EIF2B3: variants seen among roughly 807,000 people sequenced by gnomAD.
The protein encoded by EIF2B3 is translation initiation factor eIF2B subunit gamma.
In EIF2B3, 20 loss-of-function variants were observed where a neutral mutation model predicts 54.1. The ratio of observed to expected loss-of-function variants is 0.37; its 90% CI spans 0.26 to 0.54. The LOEUF (loss-of-function observed/expected upper bound fraction) is 0.54. Ranked by LOEUF, EIF2B3 falls within the 20% of genes least tolerant of loss-of-function variation. The probability of loss-of-function intolerance (pLI) is 0.86; values close to 1 mark genes in which losing one functional copy is unlikely to be tolerated. For synonymous variants in EIF2B3, 153 were observed against 188.1 expected, an observed-to-expected ratio of 0.81 and a Z score of 1.52; for missense variants, 448 against 547.8, an observed-to-expected ratio of 0.82 and a Z score of 1.82.
Position 44,936,355 on chromosome 1 carries a change from G to A in EIF2B3, c.454+5151C>T, listed in dbSNP as rs571483789. ...AGCACTTTGGGAGGCCAAGGCGGGT[G>A]GATCACTTGAGGTCAGGAGTTCAAA... On this transcript the variant is annotated intron_variant, in intron 4 of 11. Coordinates refer to ENST00000360403, the MANE Select transcript of EIF2B3 (RefSeq NM_020365.5). Among the ~76,000 whole-genome samples the A allele has an allele frequency of 2.1e-4, 32 of 151,770 alleles. 1 individual carries two copies. In the South Asian group the frequency reaches 3.5e-3, roughly 17 times the overall value.
chr1:44,852,245 T>A (rs1240267997), intron 11 of EIF2B3, among the ~76,000 whole-genome samples: 1 of 151,716 alleles, frequency 6.6e-6, no homozygotes, highest in Non-Finnish European at 1.5e-5. Flanking sequence ...ATTACAGGCG[T>A]GAGCCACCGC....
At chr1:44,920,653 AGCCTGGC>A (rs1643720828) in intron 5 of EIF2B3, among the ~76,000 whole-genome samples, 1 of 152,122 alleles carries the variant, frequency 6.6e-6, no homozygotes, top group African/African-American at 2.4e-5. Flanking sequence ...TGTCTTTCTG[AGCCTGGC>A]TTATTTCACT....
chr1:44,915,385 C>T (rs1643601926), intron 5 of EIF2B3, among the ~76,000 whole-genome samples: 1 of 152,098 alleles, frequency 6.6e-6, no homozygotes, highest in South Asian at 2.1e-4. Flanking sequence ...GATCACAACG[C>T]ACTGCAGCCT....
chr1:44,861,926 G>GGT (rs1654619500), intron 10 of EIF2B3, among the ~76,000 whole-genome samples: 1 of 152,136 alleles, frequency 6.6e-6, no homozygotes, highest in South Asian at 2.1e-4. Flanking sequence ...GCAAGGCTGA[G>GGT]GTACTTTGGA....
intron 11 of EIF2B3, among the ~76,000 whole-genome samples, chr1:44,853,687 T>C (rs538089850): frequency 1.3e-5 from 2 of 152,186 alleles, no homozygotes; most frequent in African/African-American, 2.4e-5. Flanking sequence ...TGGAAAATCT[T>C]TGGGCTGGAA....
chr1:44,926,800 C>T (rs1643858051), intron 4 of EIF2B3, 61 bp from the exon 5 acceptor site: 1 of 1,326,910 alleles, frequency 7.5e-7, no homozygotes, highest in Non-Finnish European at 1.1e-6. Context: ...TGTATGAATA[C>T]ACCAGGGAAC....
chr1:44,959,944 A>C (rs1316520872), intron 3 of EIF2B3, among the ~76,000 whole-genome samples: 1 of 152,234 alleles, frequency 6.6e-6, no homozygotes, highest in Non-Finnish European at 1.5e-5. Flanking sequence ...CTGTATATGT[A>C]AGTGTGTTAA....
chr1:44,948,323 C>A (rs571154557), intron 3 of EIF2B3, among the ~76,000 whole-genome samples: 9 of 152,172 alleles, frequency 5.9e-5, no homozygotes, highest in Admixed American at 2.0e-4. Flanking sequence ...GGAAGTCCTT[C>A]CTCTCCTGCC....
At chr1:44,964,622 A>T (rs933421263) in intron 3 of EIF2B3, among the ~76,000 whole-genome samples, 1 of 152,230 alleles carries the variant, frequency 6.6e-6, no homozygotes, top group Admixed American at 6.5e-5. Context: ...AAGACATAAC[A>T]ATAGTCCTTT....
At chr1:44,900,692 C>A (rs2148916452) in intron 5 of EIF2B3, among the ~76,000 whole-genome samples, 1 of 152,118 alleles carries the variant, frequency 6.6e-6, no homozygotes, top group Middle Eastern at 3.4e-3. Flanking sequence ...CTCAGGCAAT[C>A]ATTAATCTGC....
Position 44,949,266 on chromosome 1 carries a change from T to C in EIF2B3, c.295-7601A>G, listed in dbSNP as rs558482049. On this transcript the variant is annotated intron_variant, in intron 3 of 11. Transcript: ENST00000360403. ...TTTATCCATCAAAATTCAGGTCTTG[T>C]CACAGTTACTAGAAAGGGCAGAGCC... is the stretch of plus-strand genomic sequence containing the variant. Among the ~76,000 whole-genome samples, 5 of 152,324 alleles carry C rather than the reference T, an allele frequency of 3.3e-5. No homozygotes were observed. In the East Asian group the frequency reaches 9.6e-4, roughly 29 times the overall value.
At chr1:44,867,777 G>T (rs1423698728) in intron 10 of EIF2B3, among the ~76,000 whole-genome samples, 1 of 150,980 alleles carries the variant, frequency 6.6e-6, no homozygotes, top group East Asian at 1.9e-4. Flanking sequence ...CCAGTCATTA[G>T]CCTTGTGTGG....
At position 44,915,231 on chromosome 1, in the gene EIF2B3, C is replaced by T. The variant is rs112322090; in HGVS notation, c.566+11397G>A. ...AGGAGAATTGCTTGAGCCTGGGAGG[C>T]GGAGATTGCAGCAAGCAGAGATTGT... On this transcript the variant is annotated intron_variant, in intron 5 of 11. Coordinates refer to ENST00000360403, the MANE Select transcript of EIF2B3 (RefSeq NM_020365.5). Among the ~76,000 whole-genome samples, 394 of 150,750 alleles carry T rather than the reference C, an allele frequency of 2.6e-3. 2 individuals carry two copies. The highest frequency in any genetic ancestry group is 9.0e-3 in the African/African-American group (371 of 41,344).
At chr1:44,921,021 G>A (rs1441540726) in intron 5 of EIF2B3, among the ~76,000 whole-genome samples, 3 of 152,132 alleles carry the variant, frequency 2.0e-5, no homozygotes, top group African/African-American at 4.8e-5. Context: ...GTATATGAGA[G>A]TTCCCCTTTC....
chr1:44,871,469 G>C (rs139009950), intron 10 of EIF2B3, among the ~76,000 whole-genome samples: 2 of 152,298 alleles, frequency 1.3e-5, no homozygotes, highest in African/African-American at 4.8e-5. Flanking sequence ...ACGCCTCAGG[G>C]AACAATCCAT....
intron 5 of EIF2B3, among the ~76,000 whole-genome samples, chr1:44,919,517 C>T (rs1445230334): frequency 2.6e-5 from 4 of 152,086 alleles, no homozygotes; most frequent in Non-Finnish European, 4.4e-5. Flanking sequence ...TGCTCCAAAT[C>T]GTCTCAAAAT....
chr1:44,890,494 T>C (rs1655758992), intron 6 of EIF2B3, among the ~76,000 whole-genome samples: 1 of 152,228 alleles, frequency 6.6e-6, no homozygotes, highest in African/African-American at 2.4e-5. Flanking sequence ...CACGTAACTT[T>C]AGTAATCTTT....
At chr1:44,924,427 G>A (rs1361097726) in intron 5 of EIF2B3, among the ~76,000 whole-genome samples, 3 of 151,646 alleles carry the variant, frequency 2.0e-5, no homozygotes, top group Admixed American at 1.3e-4. Context: ...TTTTGAGACC[G>A]AGTCTCACTC....
chr1:44,931,363 C>G (rs1217785759), intron 4 of EIF2B3, among the ~76,000 whole-genome samples: 1 of 152,224 alleles, frequency 6.6e-6, no homozygotes, highest in Non-Finnish European at 1.5e-5. Flanking sequence ...GACATCTTGA[C>G]TGCAGCCTTC....
Sources: gnomAD v4.1 joint callset for allele counts (sites outside exome capture counted in the v4.1 genomes callset) on GRCh38, gnomAD v4.1.1 for gene constraint, MANE v1.5 for transcripts, NCBI Gene and HGNC (gene_info 2026-07-23, HGNC 2026-07-21) for gene names.